The following FNIP1 variants were observed in gnomAD, a reference collection of about 807,000 sequenced individuals.
FNIP1 encodes folliculin-interacting protein 1.
FNIP1 carries 40 observed loss-of-function variants against 124.5 expected under a neutral mutation model. The observed-to-expected ratio is 0.32, with a 90% CI of 0.25 to 0.42. The LOEUF is 0.42. Among genes scored for constraint, FNIP1 ranks in the 10% least tolerant of loss-of-function variants. The pLI, the probability that FNIP1 is intolerant of heterozygous loss-of-function variation, is 1.00. For synonymous variants in FNIP1, 472 were observed against 470.6 expected (o/e 1.00, Z -0.04); for missense variants, 1,176 against 1,403.7 (o/e 0.84, Z 2.59).
Position 131,730,984 on chromosome 5 carries a change from G to C in FNIP1, c.274C>G (p.Pro92Ala), listed in dbSNP as rs770542235. 4.0e-5 allele frequency: 64 copies of C among 1,613,022 alleles called. No individual in the cohort carries two copies. The highest frequency in any genetic ancestry group is 4.5e-5 in the Non-Finnish European group (53 of 1,179,462). ...AAAGAGGAAGAACTGTCTCCTCCAG[G>C]TTTCAGTTGGCAGCATTTCCCAAAG... is the stretch of plus-strand genomic sequence containing the variant. ...KVFGKCCQLKPGGDSSSSLDS... is the reference protein window; with the variant it reads ...KVFGKCCQLKAGGDSSSSLDS... Residue 92 changes from proline to alanine, a missense_variant, in exon 3 of 18, where the codon CCT (proline) becomes GCT (alanine). Physicochemically the swap from Pro to Ala is conservative, Grantham distance 27. Coordinates refer to ENST00000510461, the MANE Select transcript of FNIP1 (RefSeq NM_133372.3).
At chr5:131,698,773 T>C (rs1475570190) in intron 11 of FNIP1, 144 bp downstream of exon 11, 7 of 552,194 alleles carry the variant, frequency 1.3e-5, no homozygotes, top group Admixed American at 1.1e-4. Flanking sequence ...TGTAATAACA[T>C]AGGAGCCAAT....
rs756596118 is a variant in FNIP1, at chr5:131,651,981, G to C, written c.3127C>G (p.Pro1043Ala). Residue 1043 changes from proline (P) to alanine (A), a missense_variant, in exon 16 of 18, where the codon CCA becomes GCA. Physicochemically the swap from Pro to Ala is conservative, Grantham distance 27. This residue lies in a region of FNIP1 where 1,109 missense variants were observed against 1,288.5 expected (regional missense o/e 0.86). Transcript: ENST00000510461. ...HAVQHPVLDE[P>A]IAEAVCIIAD... ...ATAATACAGACAGCTTCTGCTATTG[G>C]TTCATCCAAAACTGGATGCTGGAAA... is the stretch of plus-strand genomic sequence containing the variant. The C allele has an allele frequency of 1.2e-6, 2 of 1,612,844 alleles. No homozygotes were observed. The highest frequency in any genetic ancestry group is 1.3e-5 in the African/African-American group (1 of 74,828).
chr5:131,743,966 G>A (rs1334339115), intron 2 of FNIP1, among the ~76,000 whole-genome samples: 1 of 152,168 alleles, frequency 6.6e-6, no homozygotes, highest in Non-Finnish European at 1.5e-5. Context: ...TGAGAGGGAT[G>A]AAGGAATACA....
intron 11 of FNIP1, among the ~76,000 whole-genome samples, chr5:131,689,272 C>G (rs1476387370): frequency 6.6e-6 from 1 of 151,814 alleles, no homozygotes; most frequent in African/African-American, 2.4e-5. Flanking sequence ...CAGACCAAAA[C>G]TGACAGATTT....
Position 131,706,557 on chromosome 5 carries a change from A to C in FNIP1, c.779-11T>G, listed in dbSNP as rs758257054. 3.2e-6 allele frequency: 5 copies of C among 1,559,088 alleles called. No individual in the cohort carries two copies. In the African/African-American group the frequency reaches 6.8e-5, roughly 21 times the overall value. On this transcript the variant is annotated splice_polypyrimidine_tract_variant and intron_variant, in intron 8 of 17. Transcript: ENST00000510461. The stretch of plus-strand genomic sequence containing the variant: ...AGCTGCTGAGAGATGCTGTTAAGTC[A>C]GAAGAACAACAAGTATAAGTCAATA...
chr5:131,794,409 T>C (rs1398061491), intron 1 of FNIP1, among the ~76,000 whole-genome samples: 2 of 151,218 alleles, frequency 1.3e-5, no homozygotes, highest in Non-Finnish European at 3.0e-5. Flanking sequence ...AGTCTGACAA[T>C]TTTTTTTTAA....
At chr5:131,778,137 C>T (rs11948962) in intron 1 of FNIP1, among the ~76,000 whole-genome samples, 119,195 of 151,878 alleles carry the variant, frequency 0.78, 47,015 homozygotes, top group African/African-American at 0.83. Context: ...GGCTGCAGGA[C>T]TGCTTGAGCC....
At chr5:131,664,634 C>A (rs1348911945) in intron 15 of FNIP1, among the ~76,000 whole-genome samples, 909 of 77,100 alleles carry the variant, frequency 0.012, no homozygotes, top group East Asian at 0.025. Flanking sequence ...GACCCTGTCT[C>A]AAAAAAAAAA....
intron 15 of FNIP1, among the ~76,000 whole-genome samples, chr5:131,660,476 C>A (rs1467104259): frequency 3.3e-5 from 5 of 152,114 alleles, no homozygotes; most frequent in African/African-American, 1.2e-4. Flanking sequence ...CATCCAGAAG[C>A]GATTTGGCCC....
At chr5:131,710,480 C>T in intron 7 of FNIP1, 98 bp downstream of exon 7, 1 of 1,053,436 alleles carries the variant, frequency 9.5e-7, no homozygotes, top group Non-Finnish European at 1.4e-6. Context: ...CACAACCTCA[C>T]CAACTGCATT....
chr5:131,693,143 G>T (rs1429149807), intron 11 of FNIP1, among the ~76,000 whole-genome samples: 7 of 149,138 alleles, frequency 4.7e-5, no homozygotes, highest in South Asian at 2.1e-4. Flanking sequence ...GACAAAAAAT[G>T]ATAATTACGT....
At chr5:131,719,487 T>G in intron 3 of FNIP1, 70 bp from the exon 4 acceptor site, 1 of 1,392,644 alleles carries the variant, frequency 7.2e-7, no homozygotes. Flanking sequence ...TGTTGATTTT[T>G]ATTAAAAATT....
chr5:131,701,150 C>T (rs1208743227), intron 10 of FNIP1, among the ~76,000 whole-genome samples: 1 of 152,040 alleles, frequency 6.6e-6, no homozygotes, highest in Non-Finnish European at 1.5e-5. Context: ...TATTGTGAAC[C>T]GTGCATGCAA....
At position 131,775,528 on chromosome 5, in the gene FNIP1, C is replaced by CTT. The variant is rs1257237137; in HGVS notation, c.92+21300_92+21301dup. On this transcript the variant is annotated intron_variant, in intron 1 of 17. Coordinates refer to ENST00000510461, the MANE Select transcript of FNIP1 (RefSeq NM_133372.3). The stretch of plus-strand genomic sequence containing the variant: ...AATATATATATACATATTATATATA[C>CTT]TTTTTTTTTTTTTTTTTGAGAAGGA... Among the ~76,000 whole-genome samples, 14 of 136,256 alleles carry CTT rather than the reference C, an allele frequency of 1.0e-4. No individual in the cohort carries two copies. The East Asian group carries it at 1.0e-3, about 10-fold the overall frequency. The allele number at this position is 136,256 out of a possible 152,430, so 89.4% of individuals were successfully genotyped here. A position where few individuals can be genotyped will look rare whatever the true frequency, so the allele number is the denominator to read the frequency against.
chr5:131,698,947 T>A lies in FNIP1; in HGVS notation c.1172A>T (p.Asn391Ile), dbSNP rs1228987393. 1.2e-6 allele frequency: 2 copies of A among 1,611,610 alleles called. No individual in the cohort carries two copies. The highest frequency in any genetic ancestry group is 3.3e-4 in the Middle Eastern group (2 of 6,074). ...ADASQRSLAY[N>I]RIVDALNEFR... ...TTCATTTAGGGCATCAACTATTCGA[T>A]TATATGCCAAACTTCTCTGACTGGC... is the stretch of plus-strand genomic sequence containing the variant. The change falls in exon 11 of 18, where the codon AAT (asparagine) becomes ATT (isoleucine). Residue 391 changes from asparagine to isoleucine, a missense_variant. By Grantham distance (149) the Asn-to-Ile change is moderately radical. Coordinates refer to ENST00000510461, the MANE Select transcript of FNIP1 (RefSeq NM_133372.3).
intron 15 of FNIP1, among the ~76,000 whole-genome samples, chr5:131,667,440 C>T (rs1767634572): frequency 6.6e-6 from 1 of 152,126 alleles, no homozygotes; most frequent in African/African-American, 2.4e-5. Flanking sequence ...CAATAAAACA[C>T]CAAACTTTAC....
chr5:131,768,723 C>T (rs112298993), intron 1 of FNIP1, among the ~76,000 whole-genome samples: 230 of 152,116 alleles, frequency 1.5e-3, no homozygotes, highest in African/African-American at 5.3e-3. Flanking sequence ...TGCTTGAACC[C>T]GGGAGGCTGA....
chr5:131,699,815 CT>C, intron 10 of FNIP1, among the ~76,000 whole-genome samples: 2 of 146,078 alleles, frequency 1.4e-5, no homozygotes, highest in South Asian at 4.5e-4. Context: ...ATGAAAGAGG[CT>C]GAGGCATGAG....
intron 1 of FNIP1, among the ~76,000 whole-genome samples, chr5:131,777,584 A>G (rs1438518235): frequency 1.3e-5 from 2 of 152,226 alleles, no homozygotes; most frequent in Non-Finnish European, 2.9e-5. Flanking sequence ...AAAAAACAAA[A>G]GGAAATATCA....
Sources: gnomAD v4.1 joint callset for allele counts (sites outside exome capture counted in the v4.1 genomes callset) on GRCh38, gnomAD v4.1.1 for gene constraint, gnomAD v4.1.1 regional missense constraint, MANE v1.5 for transcripts, NCBI Gene and HGNC (gene_info 2026-07-23, HGNC 2026-07-21) for gene names.